PATZ1: variants seen among roughly 807,000 people sequenced by gnomAD.
PATZ1 encodes the protein POZ/BTB and AT hook containing zinc finger 1, also known as POZ-, AT hook-, and zinc finger-containing protein 1.
In PATZ1, 9 loss-of-function variants were observed where a neutral mutation model predicts 46.2. The observed-to-expected ratio is 0.19, with a 90% CI of 0.12 to 0.34. The LOEUF is 0.34. Ranked by LOEUF, PATZ1 falls within the 10% of genes least tolerant of loss-of-function variation. The probability of loss-of-function intolerance (pLI) is 1.00; values close to 1 mark genes in which losing one functional copy is unlikely to be tolerated. For synonymous variants in PATZ1, 426 were observed against 378.6 expected (o/e 1.13, Z -1.45); for missense variants, 632 against 923.0 (o/e 0.68, Z 4.08).
In PATZ1 at chr22:31,343,220, C is replaced by T. The variant is rs981770820; in HGVS notation, c.1272-260G>A. 4.1e-6 allele frequency: 5 copies of T among 1,229,722 alleles called. No homozygotes were observed. The African/African-American group carries it at 4.6e-5, about 11-fold the overall frequency. 76.2% of individuals were successfully genotyped at this position (1,229,722 alleles called of 1,614,324 possible). ...TTTGCCTCCCCACTCCCTCAATTCT[C>T]CCCACCAGAAACTCAGTGTTTTCTA... is the stretch of plus-strand genomic sequence containing the variant. On this transcript the variant is annotated intron_variant, in intron 1 of 4. Coordinates refer to ENST00000266269, the MANE Select transcript of PATZ1 (RefSeq NM_014323.3).
intron 3 of PATZ1, among the ~76,000 whole-genome samples, chr22:31,332,364 C>T (rs2049454537): frequency 6.6e-6 from 1 of 152,138 alleles, no homozygotes; most frequent in Non-Finnish European, 1.5e-5. Context: ...CTAAACTTAC[C>T]CACCCATTCA....
intron 2 of PATZ1, among the ~76,000 whole-genome samples, chr22:31,336,323 T>G (rs1336164574): frequency 6.6e-6 from 1 of 152,220 alleles, no homozygotes; most frequent in Non-Finnish European, 1.5e-5. Context: ...CAAAGAATTA[T>G]ATTTGTTCAT....
In PATZ1 at chr22:31,345,833, T is replaced by C. The variant is rs2049648967; in HGVS notation, c.-231A>G. 2.3e-6 allele frequency: 1 copy of C among 434,408 alleles called. No homozygotes were observed. The highest frequency in any genetic ancestry group is 4.1e-6 in the Non-Finnish European group (1 of 246,778). The allele number at this position is 434,408 out of a possible 1,614,324, so 26.9% of individuals were successfully genotyped here. ...TAGCCAACCCCCGCCCTCGCTGGACTGCGCGCCACTCTCTCCTCTCCGCCC... is the reference window on the plus strand; with the variant it reads ...TAGCCAACCCCCGCCCTCGCTGGACCGCGCGCCACTCTCTCCTCTCCGCCC... On this transcript the variant is annotated 5_prime_UTR_variant, in exon 1 of 5. Transcript: ENST00000266269. This position sits in a 1 kb window ranked among gnomAD's most constrained non-coding sequence, Gnocchi z 7.4.
At position 31,343,347 on chromosome 22, in the gene PATZ1, C is replaced by T. The variant is rs952970884; in HGVS notation, c.1272-387G>A. 1.8e-5 allele frequency: 18 copies of T among 991,940 alleles called. No individual in the cohort carries two copies. In the East Asian group the frequency reaches 1.5e-3, roughly 85 times the overall value. The allele number at this position is 991,940 out of a possible 1,614,324, so 61.4% of individuals were successfully genotyped here. ...TGTCCAGACTAAAGCCCCTTAGAAACTCAGCAATCCCCTCCCCCAGCCTCT... is the reference window on the plus strand; with the variant it reads ...TGTCCAGACTAAAGCCCCTTAGAAATTCAGCAATCCCCTCCCCCAGCCTCT... On this transcript the variant is annotated intron_variant, in intron 1 of 4. Transcript: ENST00000266269.
chr22:31,337,910 A>AG (rs1248812625), intron 2 of PATZ1: 1 of 152,254 alleles, frequency 6.6e-6, no homozygotes, highest in Non-Finnish European at 1.5e-5. Context: ...CTGTCAAGGT[A>AG]GAAGACACCA....
chr22:31,341,229 G>C (rs890549797), intron 2 of PATZ1: 2 of 1,353,758 alleles, frequency 1.5e-6, no homozygotes, highest in African/African-American at 2.9e-5. Context: ...CCAGAAAGGT[G>C]CTCCTTGCTA....
chr22:31,338,200 C>G (rs770016601), intron 2 of PATZ1, among the ~76,000 whole-genome samples: 5 of 152,188 alleles, frequency 3.3e-5, no homozygotes, highest in African/African-American at 7.2e-5. Context: ...TCCTGGACAC[C>G]CTGGGGGATT....
rs1445478511 is a variant in PATZ1, at chr22:31,345,713, C to G, written c.-111G>C. 3 of 1,086,192 alleles carry G rather than the reference C, an allele frequency of 2.8e-6. No homozygotes were observed. Among genetic ancestry groups the G allele is most frequent in the East Asian group, 2.7e-5 (1 of 37,544 alleles). 67.3% of individuals were successfully genotyped at this position (1,086,192 alleles called of 1,614,324 possible). A position where few individuals can be genotyped will look rare whatever the true frequency, so the allele number is the denominator to read the frequency against. On this transcript the variant is annotated 5_prime_UTR_variant, in exon 1 of 5. Coordinates refer to ENST00000266269, the MANE Select transcript of PATZ1 (RefSeq NM_014323.3). This position sits in a 1 kb window ranked among gnomAD's most constrained non-coding sequence, Gnocchi z 7.4. ...ACGTGTCCACACTCCCCACACGTGC[C>G]GGCCCGAGGCTCTGTAGTCTCGCAG...
chr22:31,333,845 A>G (rs2145816926), intron 3 of PATZ1, among the ~76,000 whole-genome samples: 1 of 152,332 alleles, frequency 6.6e-6, no homozygotes, highest in African/African-American at 2.4e-5. Flanking sequence ...TGGCTTTGCC[A>G]CATCAGCTGC....
intron 3 of PATZ1, among the ~76,000 whole-genome samples, chr22:31,329,430 C>T (rs16989519): frequency 0.041 from 6,185 of 152,276 alleles, 118 homozygotes; most frequent in Non-Finnish European, 0.051. Context: ...CCCAAAGGAA[C>T]GCCTCCAAGG....
In PATZ1 at chr22:31,342,936, G is replaced by C; in HGVS notation, c.1296C>G (p.Ile432Met). The change falls in exon 2 of 5, where the codon ATC becomes ATG. Residue 432 changes from isoleucine to methionine, a missense_variant. Physicochemically the swap from Ile to Met is conservative, Grantham distance 10. Coordinates refer to ENST00000266269, the MANE Select transcript of PATZ1 (RefSeq NM_014323.3). ...GCCGCTCAGAAGTGTGCACCTGCTT[G>C]ATATGTCCGTTCAAGTGATCAGGCC... Reference protein sequence around the residue: ...FSRPDHLNGHIKQVHTSERPH... With the variant: ...FSRPDHLNGHMKQVHTSERPH... 1.9e-6 allele frequency: 3 copies of C among 1,614,072 alleles called. No homozygotes were observed. Among genetic ancestry groups the C allele is most frequent in the Non-Finnish European group, 8.5e-7 (1 of 1,179,964 alleles).
intron 3 of PATZ1, among the ~76,000 whole-genome samples, chr22:31,330,750 C>T (rs549788281): frequency 6.6e-6 from 1 of 152,346 alleles, no homozygotes; most frequent in African/African-American, 2.4e-5. Context: ...TAACCTCCAG[C>T]ATAAATGGGT....
At chr22:31,343,163 G>A in intron 1 of PATZ1, 6 of 1,308,346 alleles carry the variant, frequency 4.6e-6, no homozygotes, top group South Asian at 3.8e-5. Context: ...TTTCTCTGGA[G>A]GGGGGAAGAG....
chr22:31,341,360 C>T, intron 2 of PATZ1: 3 of 1,508,336 alleles, frequency 2.0e-6, no homozygotes, highest in Non-Finnish European at 1.8e-6. Flanking sequence ...GCCAAATGCC[C>T]CTCCTGTTCC....
In PATZ1 at chr22:31,326,879, A is replaced by G. The variant is rs1263470261; in HGVS notation, c.*12T>C. 6.2e-7 allele frequency: 1 copy of G among 1,602,806 alleles called. No homozygotes were observed. The highest frequency in any genetic ancestry group is 1.3e-5 in the African/African-American group (1 of 74,442). On this transcript the variant is annotated 3_prime_UTR_variant, in exon 5 of 5. Transcript: ENST00000266269. ...CCCAGATGGTTGTTTCCGTGGGGAC[A>G]CAGCAGCTGCCTCATTTCCCTTCAG...
At position 31,325,856 on chromosome 22, in the gene PATZ1, A is replaced by C. The variant is rs2049366129; in HGVS notation, c.*1035T>G. On this transcript the variant is annotated 3_prime_UTR_variant, in exon 5 of 5. Transcript: ENST00000266269. Reference sequence around the variant, plus strand: ...CAGTCTGATCAGATCAATTCACATCACAAGGTCAACCTGGGCTTGCTCACA... The same window carrying C: ...CAGTCTGATCAGATCAATTCACATCCCAAGGTCAACCTGGGCTTGCTCACA... 5.0e-6 allele frequency: 1 copy of C among 201,172 alleles called. No homozygotes were observed. The allele number at this position is 201,172 out of a possible 1,614,324, so 12.5% of individuals were successfully genotyped here. A position where few individuals can be genotyped will look rare whatever the true frequency, so the allele number is the denominator to read the frequency against.
chr22:31,339,398 A>G lies in PATZ1; in HGVS notation c.1335+3499T>C, dbSNP rs1413598594. 2.0e-5 allele frequency among the ~76,000 whole-genome samples: 3 copies of G among 152,166 alleles called. No homozygotes were observed. The East Asian group carries it at 5.8e-4, about 29-fold the overall frequency. On this transcript the variant is annotated intron_variant, in intron 2 of 4. Coordinates refer to ENST00000266269, the MANE Select transcript of PATZ1 (RefSeq NM_014323.3). ...GCTGCAGTCCCCAGGTTTTCTGGGGAGCCTGTGAAAGTCCAAAGTCTAGGC... is the reference window on the plus strand; with the variant it reads ...GCTGCAGTCCCCAGGTTTTCTGGGGGGCCTGTGAAAGTCCAAAGTCTAGGC...
rs749480623 is a variant in PATZ1, at chr22:31,344,814, G to C, written c.789C>G (p.Gly263=). Residue 263 remains glycine, a synonymous_variant, in exon 1 of 5, where the codon GGC becomes GGG. Coordinates refer to ENST00000266269, the MANE Select transcript of PATZ1 (RefSeq NM_014323.3). The part of the protein sequence containing the change: ...SVASSAPPLT[G]KRGRGRPRKA... ...TCCTTGGGCGGCCCCGGCCTCGCTTGCCAGTCAGGGGAGGGGCACTGGATG... is the reference window on the plus strand; with the variant it reads ...TCCTTGGGCGGCCCCGGCCTCGCTTCCCAGTCAGGGGAGGGGCACTGGATG... 2 of 1,609,592 alleles carry C rather than the reference G, an allele frequency of 1.2e-6. No individual in the cohort carries two copies. The highest frequency in any genetic ancestry group is 2.7e-5 in the African/African-American group (2 of 74,898).
In PATZ1 at chr22:31,335,945, G is replaced by C; in HGVS notation, c.1336-82C>G. 3.1e-6 allele frequency: 4 copies of C among 1,288,334 alleles called. No individual in the cohort carries two copies. The African/African-American group carries it at 5.9e-5, about 19-fold the overall frequency. 79.8% of individuals were successfully genotyped at this position (1,288,334 alleles called of 1,614,324 possible). ...CCCACCAAGTGCACCATGAAGCAAA[G>C]GCAATTTCTGGCCATCACATGACCT... On this transcript the variant is annotated intron_variant, in intron 2 of 4. Transcript: ENST00000266269.
Sources: gnomAD v4.1 joint callset for allele counts (sites outside exome capture counted in the v4.1 genomes callset) on GRCh38, gnomAD v4.1.1 for gene constraint, Gnocchi (gnomAD v3.1) non-coding constraint, MANE v1.5 for transcripts, NCBI Gene and HGNC (gene_info 2026-07-23, HGNC 2026-07-21) for gene names.